Variants in SSH2 observed in about 807,000 individuals in gnomAD.
SSH2 encodes slingshot protein phosphatase 2, also known as protein phosphatase Slingshot homolog 2.
A neutral mutation model predicts 135.2 loss-of-function variants in SSH2; 37 were observed. The observed-to-expected ratio is 0.27, with a 90% confidence interval of 0.21 to 0.36. The LOEUF (loss-of-function observed/expected upper bound fraction) is 0.36, where lower values mean the gene tolerates loss of function less well. Ranked by LOEUF, SSH2 falls within the 10% of genes least tolerant of loss-of-function variation. SSH2 has a pLI of 1.00. For synonymous variants in SSH2, 628 were observed against 646.2 expected, an observed-to-expected ratio of 0.97 and a Z score of 0.43; for missense variants, 1,408 against 1,765.3, an observed-to-expected ratio of 0.80 and a Z score of 3.63.
chr17:29,851,650 G>A (rs533173493), intron 1 of SSH2, among the ~76,000 whole-genome samples: 2 of 152,054 alleles, frequency 1.3e-5, no homozygotes, highest in African/African-American at 2.4e-5. Flanking sequence ...CTTGAGCCCA[G>A]GAGTTGGAAA....
rs1243247335 is a variant in SSH2 at position 29,929,950 on chromosome 17, G to A, written c.51C>T (p.Ser17=). 1.2e-6 allele frequency: 2 copies of A among 1,602,630 alleles called. No individual in the cohort carries two copies. Among genetic ancestry groups the A allele is most frequent in the East Asian group, 2.3e-5 (1 of 44,386 alleles). ...QRSPTPSTTS[S]PCASSSHLED... ...AGGAAGGACTCACCGAGGCGCAGGG[G>A]CTGGAGGTGGTGCTGGGGGTAGGTG... The change falls in exon 1 of 16, where the codon AGC becomes AGT. Residue 17 remains serine (S), a synonymous_variant. Coordinates refer to ENST00000540801, the MANE Select transcript of SSH2 (RefSeq NM_001282129.2).
intron 1 of SSH2, among the ~76,000 whole-genome samples, chr17:29,871,057 T>C (rs534558942): frequency 6.6e-6 from 1 of 152,256 alleles, no homozygotes; most frequent in East Asian, 1.9e-4. Context: ...TTTCTAAAAC[T>C]TTTCACATGA....
intron 3 of SSH2, among the ~76,000 whole-genome samples, chr17:29,770,329 G>A (rs2041554372): frequency 1.3e-5 from 2 of 151,920 alleles, no homozygotes; most frequent in South Asian, 4.2e-4. Flanking sequence ...GGCTGGTCTT[G>A]AACTCCTGAC....
At chr17:29,761,331 A>T (rs2041293558) in intron 3 of SSH2, 1 of 1,133,192 alleles carries the variant, frequency 8.8e-7, no homozygotes, top group Non-Finnish European at 1.1e-6. Flanking sequence ...CTGCTCCGGC[A>T]CGAGGCGCAG....
chr17:29,714,495 G>A (rs984955844), intron 3 of SSH2, among the ~76,000 whole-genome samples: 1 of 152,090 alleles, frequency 6.6e-6, no homozygotes, highest in Non-Finnish European at 1.5e-5. Context: ...GTCATCTTCT[G>A]TTCTTTGTTG....
At chr17:29,815,052 G>A (rs973336855) in intron 2 of SSH2, among the ~76,000 whole-genome samples, 1 of 149,708 alleles carries the variant, frequency 6.7e-6, no homozygotes, top group East Asian at 2.0e-4. Context: ...AGGTTCTAGC[G>A]ATTCTCTTGC....
At chr17:29,842,171 C>T (rs1428224139) in intron 2 of SSH2, among the ~76,000 whole-genome samples, 2 of 151,840 alleles carry the variant, frequency 1.3e-5, no homozygotes, top group Non-Finnish European at 2.9e-5. Context: ...AAGATCATCA[C>T]AGCCAGGCGC....
chr17:29,634,950 T>C (rs1022335827), intron 15 of SSH2, among the ~76,000 whole-genome samples: 2 of 152,204 alleles, frequency 1.3e-5, no homozygotes, highest in African/African-American at 4.8e-5. Context: ...TCATCCAAGC[T>C]GGAGTACAGT....
chr17:29,713,855 C>G (rs1049318578), intron 3 of SSH2, among the ~76,000 whole-genome samples: 2 of 152,072 alleles, frequency 1.3e-5, no homozygotes, highest in Admixed American at 1.3e-4. Flanking sequence ...CAAAAATAAC[C>G]ACCACCTCCC....
intron 2 of SSH2, among the ~76,000 whole-genome samples, chr17:29,799,066 T>C (rs2042206642): frequency 6.6e-6 from 1 of 152,250 alleles, no homozygotes; most frequent in South Asian, 2.1e-4. Flanking sequence ...TTTCCCAATA[T>C]GCTTTTTAAA....
intron 3 of SSH2, among the ~76,000 whole-genome samples, chr17:29,746,042 T>A (rs762292732): frequency 6.6e-6 from 1 of 152,112 alleles, no homozygotes; most frequent in Non-Finnish European, 1.5e-5. Context: ...AAGAATTAAG[T>A]GTGAGATTTT....
At chr17:29,917,100 T>C (rs2066896089) in intron 1 of SSH2, among the ~76,000 whole-genome samples, 1 of 151,524 alleles carries the variant, frequency 6.6e-6, no homozygotes, top group South Asian at 2.1e-4. Context: ...GAGCAAAGAA[T>C]AGGTGAGGGG....
chr17:29,736,786 C>CAAAAAAAA lies in SSH2; in HGVS notation c.189-33732_189-33725dup, dbSNP rs1194959594. 1.6e-3 allele frequency among the ~76,000 whole-genome samples: 16 copies of CAAAAAAAA among 10,210 alleles called. 3 individuals are homozygous for CAAAAAAAA. Among genetic ancestry groups the CAAAAAAAA allele is most frequent in the Admixed American group, 3.3e-3 (2 of 602 alleles). The allele number at this position is 10,210 out of a possible 152,430, so 6.7% of individuals were successfully genotyped here. A position where few individuals can be genotyped will look rare whatever the true frequency, so the allele number is the denominator to read the frequency against. On this transcript the variant is annotated intron_variant, in intron 3 of 15. Transcript: ENST00000540801. ...TGGGTGACAGAGCAAGACTCTGTCT[C>CAAAAAAAA]AAAAAAAAAAAAAAAAAAAAAAAAA... is the stretch of plus-strand genomic sequence containing the variant.
At chr17:29,859,283 C>T (rs1216184764) in intron 1 of SSH2, among the ~76,000 whole-genome samples, 2 of 151,872 alleles carry the variant, frequency 1.3e-5, no homozygotes, top group Non-Finnish European at 2.9e-5. Context: ...TCCTCTTACA[C>T]TTTTTTTTCT....
chr17:29,889,444 AAAAC>A (rs2066305761), intron 1 of SSH2, among the ~76,000 whole-genome samples: 2 of 151,974 alleles, frequency 1.3e-5, no homozygotes, highest in East Asian at 1.9e-4. Flanking sequence ...AGACTGTCTC[AAAAC>A]AAACAAACAA....
intron 2 of SSH2, among the ~76,000 whole-genome samples, chr17:29,797,527 C>T (rs1202971896): frequency 6.6e-6 from 1 of 152,190 alleles, no homozygotes; most frequent in Non-Finnish European, 1.5e-5. Flanking sequence ...GATTCCATCA[C>T]ATGAATATAC....
At position 29,679,233 on chromosome 17, in the gene SSH2, T is replaced by C. The variant is rs186755120; in HGVS notation, c.480-1492A>G. On this transcript the variant is annotated intron_variant, in intron 6 of 15. Transcript: ENST00000540801. Reference sequence around the variant, plus strand: ...TCCGAAAGGCTTCCATGATGCTCCATGCCAATCTATCTAGAGCGGAAGCAT... The same window carrying C: ...TCCGAAAGGCTTCCATGATGCTCCACGCCAATCTATCTAGAGCGGAAGCAT... 8.7e-4 allele frequency among the ~76,000 whole-genome samples: 132 copies of C among 152,230 alleles called. 1 individual carries two copies. The highest frequency in any genetic ancestry group is 2.8e-3 in the African/African-American group (118 of 41,548).
At chr17:29,649,967 T>G (rs2036526850) in intron 13 of SSH2, among the ~76,000 whole-genome samples, 1 of 152,188 alleles carries the variant, frequency 6.6e-6, no homozygotes, top group Non-Finnish European at 1.5e-5. Context: ...GCACTTCTCA[T>G]CTGCCAGGGA....
At chr17:29,648,957 G>C (rs538490662) in intron 13 of SSH2, among the ~76,000 whole-genome samples, 169 of 152,272 alleles carry the variant, frequency 1.1e-3, no homozygotes, top group African/African-American at 4.0e-3. Flanking sequence ...TGGACAAGAT[G>C]GTGAAACCCT....
Sources: gnomAD v4.1 joint callset for allele counts (sites outside exome capture counted in the v4.1 genomes callset) on GRCh38, gnomAD v4.1.1 for gene constraint, MANE v1.5 for transcripts, NCBI Gene and HGNC (gene_info 2026-07-23, HGNC 2026-07-21) for gene names.